The following BCAS3 variants were observed in gnomAD, a reference collection of about 807,000 sequenced individuals.
BCAS3 encodes the protein BCAS3 microtubule associated cell migration factor, also known as BCAS4/BCAS3 fusion.
Under a neutral mutation model 116.1 loss-of-function variants are expected in BCAS3, and 53 were observed. The ratio of observed to expected loss-of-function variants is 0.46; its 90% CI spans 0.37 to 0.57. BCAS3 has a LOEUF of 0.57. Among genes scored for constraint, BCAS3 ranks in the 20% least tolerant of loss-of-function variants. The pLI, the probability that BCAS3 is intolerant of heterozygous loss-of-function variation, is 0.00. For synonymous variants in BCAS3, 391 were observed against 408.2 expected (o/e 0.96, Z 0.51); for missense variants, 917 against 1,165.4 (o/e 0.79, Z 3.10).
chr17:61,271,423 G>C (rs866747639), intron 22 of BCAS3, among the ~76,000 whole-genome samples: 78 of 6,118 alleles, frequency 0.013, no homozygotes, highest in African/African-American at 0.047. Context: ...ACCATGCCCG[G>C]ATTTTTTTTT....
intron 22 of BCAS3, among the ~76,000 whole-genome samples, chr17:61,270,155 T>A (rs2050119390): frequency 1.4e-5 from 2 of 139,484 alleles, no homozygotes; most frequent in African/African-American, 5.4e-5. Flanking sequence ...AGTCTGGCTC[T>A]GTCACCCAGG....
chr17:60,857,132 G>A (rs1221706115), intron 7 of BCAS3, among the ~76,000 whole-genome samples: 2 of 152,110 alleles, frequency 1.3e-5, no homozygotes, highest in East Asian at 3.8e-4. Flanking sequence ...AAGAGAATTT[G>A]CATTCATTTC....
At chr17:61,018,666 C>T (rs1310583027) in intron 16 of BCAS3, among the ~76,000 whole-genome samples, 1 of 152,052 alleles carries the variant, frequency 6.6e-6, no homozygotes, top group Non-Finnish European at 1.5e-5. Context: ...CCTGCATAAA[C>T]ACTAACACGT....
chr17:61,390,839 C>T lies in BCAS3; in HGVS notation c.2594-1138C>T, dbSNP rs1481808280. Reference sequence around the variant, plus strand: ...CACATCTTGCTGTTTCAAGTGACTGCTTTGAGGTCCTGCACTCCTGGGTGG... The same window carrying T: ...CACATCTTGCTGTTTCAAGTGACTGTTTTGAGGTCCTGCACTCCTGGGTGG... On this transcript the variant is annotated intron_variant, in intron 23 of 23. Transcript: ENST00000407086. This position sits in a 1 kb window ranked among gnomAD's most constrained non-coding sequence, Gnocchi z 6.8. The T allele has an allele frequency of 6.6e-6, 1 of 151,986 alleles. No individual in the cohort carries two copies. The highest frequency in any genetic ancestry group is 1.9e-4 in the East Asian group (1 of 5,200). 9.4% of individuals were successfully genotyped at this position (151,986 alleles called of 1,614,324 possible).
intron 6 of BCAS3, among the ~76,000 whole-genome samples, chr17:60,769,865 C>T (rs1027892640): frequency 6.6e-6 from 1 of 152,004 alleles, no homozygotes; most frequent in Non-Finnish European, 1.5e-5. Flanking sequence ...ACCTCCATCT[C>T]CCAGGTTCAA....
chr17:61,257,979 T>G (rs1323113596), intron 22 of BCAS3, among the ~76,000 whole-genome samples: 2 of 152,222 alleles, frequency 1.3e-5, no homozygotes, highest in Admixed American at 6.5e-5. Context: ...AATGTAATTG[T>G]TAATCCTCTC....
rs1473680929 is a variant in BCAS3 at position 60,993,505 on chromosome 17, A to G, written c.1486+3270A>G. Among the ~76,000 whole-genome samples the G allele has an allele frequency of 9.2e-5, 14 of 152,210 alleles. 1 individual carries two copies. In the East Asian group the frequency reaches 2.7e-3, roughly 29 times the overall value. On this transcript the variant is annotated intron_variant, in intron 15 of 23. Transcript: ENST00000407086. This position sits in a 1 kb window ranked among gnomAD's most constrained non-coding sequence, Gnocchi z 4.2. The stretch of plus-strand genomic sequence containing the variant: ...TAACACGTGTTAAAATTTTATTTCC[A>G]GAATTTCCGTCTATTACTCTGTGTA...
At chr17:60,766,919 C>G (rs1268544115) in intron 6 of BCAS3, among the ~76,000 whole-genome samples, 2 of 152,370 alleles carry the variant, frequency 1.3e-5, no homozygotes, top group South Asian at 4.1e-4. Context: ...TGCCCCTCCC[C>G]CAGCCAGGCT....
chr17:61,238,205 A>G (rs1294135482), intron 22 of BCAS3, among the ~76,000 whole-genome samples: 15 of 144,762 alleles, frequency 1.0e-4, no homozygotes, highest in Non-Finnish European at 7.5e-5. Flanking sequence ...GGCACCCGCC[A>G]CCACACCTGG....
chr17:61,389,482 GCTGTACA>G (rs2060021983), intron 23 of BCAS3: 1 of 152,508 alleles, frequency 6.6e-6, no homozygotes, highest in Non-Finnish European at 1.5e-5. Context: ...TGAGGGCTGT[GCTGTACA>G]TAGCCCACTC....
At chr17:60,713,566 C>G (rs1254116898) in intron 5 of BCAS3, among the ~76,000 whole-genome samples, 3 of 152,152 alleles carry the variant, frequency 2.0e-5, no homozygotes, top group Non-Finnish European at 4.4e-5. Flanking sequence ...TGTGTCTGTA[C>G]TGAACACGTA....
intron 5 of BCAS3, among the ~76,000 whole-genome samples, chr17:60,718,105 C>T (rs890876817): frequency 1.5e-4 from 23 of 152,162 alleles, no homozygotes; most frequent in African/African-American, 2.4e-4. Context: ...GTAATGTGCG[C>T]GATGGAGAGC....
Position 61,315,107 on chromosome 17 carries a change from A to G in BCAS3, c.2426-53220A>G, listed in dbSNP as rs1261294796. Among the ~76,000 whole-genome samples, 2 of 151,094 alleles carry G rather than the reference A, an allele frequency of 1.3e-5. No homozygotes were observed. Among genetic ancestry groups the G allele is most frequent in the African/African-American group, 4.9e-5 (2 of 41,072 alleles). On this transcript the variant is annotated intron_variant, in intron 22 of 23. Transcript: ENST00000407086. The surrounding 1 kb of genome is among the most constrained non-coding windows in gnomAD (Gnocchi z 5.3). ...CCACACGCCACACTGCTCAGCCTAC[A>G]CTCCCTTTTCTTTTTCTTTTTTTCG...
At position 61,139,920 on chromosome 17, in the gene BCAS3, A is replaced by G. The variant is rs1421007584; in HGVS notation, c.2425+55356A>G. Among the ~76,000 whole-genome samples the G allele has an allele frequency of 6.6e-6, 1 of 152,174 alleles. No individual in the cohort carries two copies. Among genetic ancestry groups the G allele is most frequent in the East Asian group, 1.9e-4 (1 of 5,196 alleles). The stretch of plus-strand genomic sequence containing the variant: ...AATTTTGGCAGGAGAAGATTGAGGA[A>G]AGGGATACCTACTGTCAAGACACAA... On this transcript the variant is annotated intron_variant, in intron 22 of 23. Coordinates refer to ENST00000407086, the MANE Select transcript of BCAS3 (RefSeq NM_017679.5). This position sits in a 1 kb window ranked among gnomAD's most constrained non-coding sequence, Gnocchi z 4.7.
chr17:60,793,478 T>C (rs1201094467), intron 6 of BCAS3, among the ~76,000 whole-genome samples: 1 of 152,116 alleles, frequency 6.6e-6, no homozygotes, highest in African/African-American at 2.4e-5. Context: ...TGGTGGTGAT[T>C]TGTGAGATTT....
intron 22 of BCAS3, among the ~76,000 whole-genome samples, chr17:61,101,136 A>G (rs983694405): frequency 8.5e-5 from 13 of 152,302 alleles, no homozygotes; most frequent in African/African-American, 2.9e-4. Context: ...CCACTCTGGA[A>G]TGGCACCTCT....
chr17:60,825,335 A>G (rs2050291299), intron 7 of BCAS3, among the ~76,000 whole-genome samples: 2 of 151,480 alleles, frequency 1.3e-5, no homozygotes, highest in African/African-American at 2.4e-5. Flanking sequence ...AAATATAGAT[A>G]ATAGGTTAAA....
In BCAS3 at chr17:61,073,149, A is replaced by G. The variant is rs73324849; in HGVS notation, c.2030-1771A>G. ...GAATGCTGAAATAATAGTTATTGTG[A>G]TATTCTTTTCTTCTTGATATAATTT... On this transcript the variant is annotated intron_variant, in intron 19 of 23. Transcript: ENST00000407086. The surrounding 1 kb of genome is among the most constrained non-coding windows in gnomAD (Gnocchi z 4.6). Among the ~76,000 whole-genome samples, 2,063 of 152,298 alleles carry G rather than the reference A, an allele frequency of 0.014. 49 individuals carry two copies. Among genetic ancestry groups the G allele is most frequent in the African/African-American group, 0.048 (1,985 of 41,556 alleles).
intron 6 of BCAS3, among the ~76,000 whole-genome samples, chr17:60,772,888 G>A (rs560637787): frequency 5.3e-5 from 8 of 152,026 alleles, no homozygotes; most frequent in African/African-American, 1.9e-4. Flanking sequence ...AAAAAAGGGG[G>A]GCTTAACGTG....
Sources: gnomAD v4.1 joint callset for allele counts (sites outside exome capture counted in the v4.1 genomes callset) on GRCh38, gnomAD v4.1.1 for gene constraint, Gnocchi (gnomAD v3.1) non-coding constraint, MANE v1.5 for transcripts, NCBI Gene and HGNC (gene_info 2026-07-23, HGNC 2026-07-21) for gene names.